The following EPB41L5 variants were observed in gnomAD, a reference collection of about 807,000 sequenced individuals.
EPB41L5 encodes the protein band 4.1-like protein 5.
Under a neutral mutation model 106.6 loss-of-function variants are expected in EPB41L5, and 55 were observed. That is an observed-to-expected ratio of 0.52 (90% CI 0.42 to 0.65). The LOEUF (loss-of-function observed/expected upper bound fraction) is 0.65, where lower values mean the gene tolerates loss of function less well. EPB41L5 is among the 30% of genes least tolerant of loss of function. EPB41L5 has a pLI of 0.00. For missense variants in EPB41L5, 871 were observed against 882.1 expected (o/e 0.99, Z 0.16); for synonymous variants, 297 against 306.7 (o/e 0.97, Z 0.33).
intron 3 of EPB41L5, among the ~76,000 whole-genome samples, chr2:120,068,004 G>A (rs557787478): frequency 6.6e-6 from 1 of 152,262 alleles, no homozygotes; most frequent in East Asian, 1.9e-4. Flanking sequence ...GGCCGAATAG[G>A]AACAGCTCCG....
At chr2:120,053,260 GAA>G (rs1680410164) in intron 3 of EPB41L5, among the ~76,000 whole-genome samples, 3 of 152,128 alleles carry the variant, frequency 2.0e-5, no homozygotes, top group Admixed American at 2.0e-4. Flanking sequence ...AGCTTAAAGA[GAA>G]GAGAGAAGGC....
intron 2 of EPB41L5, among the ~76,000 whole-genome samples, chr2:120,030,037 G>T (rs1055615216): frequency 2.0e-5 from 3 of 152,194 alleles, no homozygotes; most frequent in African/African-American, 7.2e-5. Flanking sequence ...CTGAGGAAAT[G>T]ATGACAGTGA....
intron 20 of EPB41L5, among the ~76,000 whole-genome samples, chr2:120,154,082 T>G (rs1235579605): frequency 6.6e-6 from 1 of 151,716 alleles, no homozygotes; most frequent in East Asian, 1.9e-4. Context: ...CATTACTGTC[T>G]TCTTTGTTTA....
chr2:120,067,263 A>G (rs1034253803), intron 3 of EPB41L5, among the ~76,000 whole-genome samples: 2 of 152,226 alleles, frequency 1.3e-5, no homozygotes, highest in African/African-American at 4.8e-5. Flanking sequence ...AGTGAATTGC[A>G]CTTTTGGATC....
At chr2:120,048,268 G>A (rs1231949081) in intron 3 of EPB41L5, among the ~76,000 whole-genome samples, 4 of 152,088 alleles carry the variant, frequency 2.6e-5, no homozygotes, top group South Asian at 2.1e-4. Flanking sequence ...GGTAGAATTC[G>A]GCTGTGAATC....
chr2:120,023,752 A>G (rs964518202), intron 2 of EPB41L5, among the ~76,000 whole-genome samples: 1 of 152,188 alleles, frequency 6.6e-6, no homozygotes, highest in Non-Finnish European at 1.5e-5. Flanking sequence ...GATAGCATTG[A>G]ATGTATAAAT....
intron 3 of EPB41L5, among the ~76,000 whole-genome samples, chr2:120,054,871 T>G (rs1266100675): frequency 1.3e-5 from 2 of 150,432 alleles, no homozygotes; most frequent in Non-Finnish European, 3.0e-5. Flanking sequence ...TACACTTTTT[T>G]TTTTTTTTTT....
At chr2:120,033,189 A>G (rs1185873867) in intron 2 of EPB41L5, among the ~76,000 whole-genome samples, 1 of 152,206 alleles carries the variant, frequency 6.6e-6, no homozygotes. Flanking sequence ...TATCAATGAT[A>G]ACATTTTATT....
chr2:120,027,156 A>G (rs778051381), intron 2 of EPB41L5, among the ~76,000 whole-genome samples: 7 of 152,256 alleles, frequency 4.6e-5, no homozygotes, highest in Non-Finnish European at 8.8e-5. Flanking sequence ...GCAGTTATTC[A>G]TATAGTACCA....
chr2:120,111,462 A>G (rs567763139), intron 16 of EPB41L5, among the ~76,000 whole-genome samples: 2 of 152,170 alleles, frequency 1.3e-5, no homozygotes, highest in Non-Finnish European at 2.9e-5. Context: ...AGGTCCAGCA[A>G]TCTGTTTCAC....
At chr2:120,071,654 A>G (rs11123541) in intron 3 of EPB41L5, among the ~76,000 whole-genome samples, 96,546 of 151,970 alleles carry the variant, frequency 0.64, 32,085 homozygotes, top group Middle Eastern at 0.75. Flanking sequence ...TCTTTGATAA[A>G]CCTGACAAAA....
intron 3 of EPB41L5, among the ~76,000 whole-genome samples, chr2:120,051,163 T>C (rs1471371895): frequency 6.6e-6 from 1 of 152,136 alleles, no homozygotes; most frequent in Non-Finnish European, 1.5e-5. Context: ...GCTGGGAGAA[T>C]CACCACTCTC....
At chr2:120,138,303 A>AC (rs922884954) in intron 18 of EPB41L5, among the ~76,000 whole-genome samples, 1 of 152,102 alleles carries the variant, frequency 6.6e-6, no homozygotes, top group Non-Finnish European at 1.5e-5. Context: ...AAGGATGCCC[A>AC]CTTTCACTGC....
intron 14 of EPB41L5, among the ~76,000 whole-genome samples, chr2:120,098,676 G>A (rs1683932952): frequency 6.6e-6 from 1 of 152,184 alleles, no homozygotes; most frequent in Non-Finnish European, 1.5e-5. Flanking sequence ...CCCAGACAGT[G>A]ATAGTGCAAG....
At chr2:120,067,184 A>G (rs888336821) in intron 3 of EPB41L5, among the ~76,000 whole-genome samples, 6 of 152,230 alleles carry the variant, frequency 3.9e-5, no homozygotes, top group African/African-American at 1.4e-4. Context: ...ATTGCATAGC[A>G]TTTAAAAAAT....
At chr2:120,071,375 G>T (rs1681852702) in intron 3 of EPB41L5, among the ~76,000 whole-genome samples, 1 of 152,156 alleles carries the variant, frequency 6.6e-6, no homozygotes, top group Non-Finnish European at 1.5e-5. Context: ...TGGATAGGAA[G>T]AATCAATATC....
chr2:120,131,791 AC>A, intron 18 of EPB41L5, 76 bp downstream of exon 18: 1 of 1,116,742 alleles, frequency 9.0e-7, no homozygotes, highest in Non-Finnish European at 1.3e-6. Context: ...CAAAGACAGT[AC>A]TTTCTTTTTT....
chr2:120,120,624 G>A (rs1469856232), intron 16 of EPB41L5, among the ~76,000 whole-genome samples: 1 of 151,662 alleles, frequency 6.6e-6, no homozygotes, highest in African/African-American at 2.4e-5. Context: ...AATAAAATTA[G>A]TATAAAGAAA....
chr2:120,024,542 T>G (rs956744610), intron 2 of EPB41L5, among the ~76,000 whole-genome samples: 1 of 152,084 alleles, frequency 6.6e-6, no homozygotes, highest in Non-Finnish European at 1.5e-5. Flanking sequence ...CTGCAAGCTC[T>G]GCCTCCCAGG....
Sources: allele counts gnomAD v4.1 joint callset (sites outside exome capture counted in the v4.1 genomes callset), GRCh38; gene constraint gnomAD v4.1.1; transcripts MANE v1.5; gene names NCBI Gene and HGNC (gene_info 2026-07-23, HGNC 2026-07-21).